SOBP: variants seen among roughly 807,000 people sequenced by gnomAD.
The protein encoded by SOBP is sine oculis-binding protein homolog.
Under a neutral mutation model 53.6 loss-of-function variants are expected in SOBP, and 4 were observed. That is an observed-to-expected ratio of 0.07 (90% CI 0.04 to 0.17). The LOEUF (loss-of-function observed/expected upper bound fraction) is 0.17, where lower values mean the gene tolerates loss of function less well. Among genes scored for constraint, SOBP ranks in the 10% least tolerant of loss-of-function variants. SOBP has a pLI of 1.00. For missense variants in SOBP, 1,088 were observed against 1,204.7 expected, an observed-to-expected ratio of 0.90 and a Z score of 1.43; for synonymous variants, 584 against 522.6, an observed-to-expected ratio of 1.12 and a Z score of -1.60.
At chr6:107,525,866 A>C (rs1189130289) in intron 3 of SOBP, among the ~76,000 whole-genome samples, 1 of 151,916 alleles carries the variant, frequency 6.6e-6, no homozygotes, top group Non-Finnish European at 1.5e-5. Flanking sequence ...GTGGAACTGG[A>C]TTTCTAGTCT....
chr6:107,534,897 A>G (rs1045924885), intron 4 of SOBP, among the ~76,000 whole-genome samples: 4 of 152,142 alleles, frequency 2.6e-5, no homozygotes, highest in African/African-American at 9.7e-5. Context: ...TTGTTTTAAT[A>G]TAGGGGGATT....
chr6:107,588,819 C>T (rs1278266747), intron 5 of SOBP, among the ~76,000 whole-genome samples: 1 of 152,138 alleles, frequency 6.6e-6, no homozygotes, highest in East Asian at 1.9e-4. Context: ...GTTGTGTTGG[C>T]AGTAGTTTTG....
At chr6:107,656,129 A>G (rs1000396827) in intron 6 of SOBP, among the ~76,000 whole-genome samples, 1 of 152,102 alleles carries the variant, frequency 6.6e-6, no homozygotes, top group Non-Finnish European at 1.5e-5. Context: ...GCTAAATGCA[A>G]AAGAATTGTT....
At chr6:107,494,344 G>T (rs987347552) in intron 1 of SOBP, among the ~76,000 whole-genome samples, 3 of 152,202 alleles carry the variant, frequency 2.0e-5, no homozygotes, top group African/African-American at 7.2e-5. Context: ...TTAGTTTTAA[G>T]AGTTCATCCA....
At chr6:107,564,550 T>C (rs891637003) in intron 4 of SOBP, among the ~76,000 whole-genome samples, 1 of 152,242 alleles carries the variant, frequency 6.6e-6, no homozygotes, top group African/African-American at 2.4e-5. Context: ...TGGGGAGGCT[T>C]ACTTCCCTCC....
intron 5 of SOBP, among the ~76,000 whole-genome samples, chr6:107,624,131 A>G (rs896778683): frequency 6.6e-5 from 10 of 152,250 alleles, no homozygotes; most frequent in African/African-American, 2.4e-4. Flanking sequence ...AAATATAAAA[A>G]GCGAAGGCCT....
intron 4 of SOBP, among the ~76,000 whole-genome samples, chr6:107,583,733 G>A (rs1004627304): frequency 2.0e-5 from 3 of 152,046 alleles, no homozygotes; most frequent in Non-Finnish European, 4.4e-5. Flanking sequence ...GGGTCTCCCT[G>A]TGTTGCCCAG....
chr6:107,500,979 A>G lies in SOBP; in HGVS notation c.97-2678A>G, dbSNP rs191279341. On this transcript the variant is annotated intron_variant, in intron 1 of 6. Coordinates refer to ENST00000317357, the MANE Select transcript of SOBP (RefSeq NM_018013.4). ...TCTTGCCCCTTTCATGAAAGCTTTG[A>G]GATTTATGGCTTGAAGTTTTATAAA... Among the ~76,000 whole-genome samples the G allele has an allele frequency of 4.0e-3, 615 of 152,258 alleles. 4 individuals are homozygous for G. The highest frequency in any genetic ancestry group is 4.4e-3 in the Non-Finnish European group (301 of 68,018).
At chr6:107,527,489 G>T (rs141805402) in intron 3 of SOBP, among the ~76,000 whole-genome samples, 55 of 152,260 alleles carry the variant, frequency 3.6e-4, no homozygotes, top group African/African-American at 1.1e-3. Flanking sequence ...TGGTCACTGG[G>T]CCTCTCCAGA....
intron 1 of SOBP, among the ~76,000 whole-genome samples, chr6:107,498,767 A>G (rs1583141622): frequency 1.3e-5 from 2 of 152,186 alleles, no homozygotes; most frequent in South Asian, 4.2e-4. Context: ...TCTTTCTGTG[A>G]CCTTTTTTTG....
Position 107,590,158 on chromosome 6 carries a change from G to A in SOBP, c.669+2983G>A, listed in dbSNP as rs116307784. 3.2e-3 allele frequency among the ~76,000 whole-genome samples: 481 copies of A among 152,300 alleles called. 2 individuals are homozygous for A. The highest frequency in any genetic ancestry group is 0.011 in the African/African-American group (463 of 41,568). ...AGCTAGAGTGAGGAGGACCATAAGTGTGTTATGAGCTCACTGTTTCTCCTC... is the reference window on the plus strand; with the variant it reads ...AGCTAGAGTGAGGAGGACCATAAGTATGTTATGAGCTCACTGTTTCTCCTC... On this transcript the variant is annotated intron_variant, in intron 5 of 6. Transcript: ENST00000317357.
intron 6 of SOBP, among the ~76,000 whole-genome samples, chr6:107,653,704 G>C (rs1295751957): frequency 6.6e-6 from 1 of 152,230 alleles, no homozygotes; most frequent in Non-Finnish European, 1.5e-5. Flanking sequence ...AAATGGGTTA[G>C]ATTAATAGAG....
At chr6:107,610,804 A>G (rs1048889863) in intron 5 of SOBP, among the ~76,000 whole-genome samples, 17 of 136,274 alleles carry the variant, frequency 1.2e-4, no homozygotes, top group Admixed American at 4.8e-4. Flanking sequence ...ACGCACACAC[A>G]CACACACACA....
In SOBP at chr6:107,635,034, C is replaced by G. The variant is rs1026644252; in HGVS notation, c.2190C>G (p.Ala730=). ...CNVIVNGTRG[A]AAEGAKSAEP... The stretch of plus-strand genomic sequence containing the variant: ...TCATCGTGAACGGCACGCGCGGCGC[C>G]GCCGCCGAGGGCGCTAAGAGCGCGG... The change falls in exon 6 of 7, where the codon GCC becomes GCG. Residue 730 remains alanine (A), a synonymous_variant. Transcript: ENST00000317357. The surrounding 1 kb of genome is among the most constrained non-coding windows in gnomAD (Gnocchi z 4.5). 2.4e-6 allele frequency: 3 copies of G among 1,250,510 alleles called. No homozygotes were observed. The highest frequency in any genetic ancestry group is 3.7e-5 in the South Asian group (1 of 27,124). The allele number at this position is 1,250,510 out of a possible 1,614,324, so 77.5% of individuals were successfully genotyped here.
At chr6:107,623,621 G>T (rs1770321001) in intron 5 of SOBP, among the ~76,000 whole-genome samples, 1 of 152,076 alleles carries the variant, frequency 6.6e-6, no homozygotes, top group African/African-American at 2.4e-5. Context: ...ATCTACTTCT[G>T]GTTAATCTTT....
At chr6:107,614,373 A>AT (rs1020665299) in intron 5 of SOBP, among the ~76,000 whole-genome samples, 6 of 152,154 alleles carry the variant, frequency 3.9e-5, no homozygotes, top group African/African-American at 9.7e-5. Context: ...TCTCTTAAAA[A>AT]ATATATATAT....
intron 6 of SOBP, among the ~76,000 whole-genome samples, chr6:107,652,615 A>G (rs12207942): frequency 0.67 from 101,916 of 152,138 alleles, 37,280 homozygotes; most frequent in Non-Finnish European, 0.84. Context: ...CAGTTTTGAA[A>G]GTGTTCTATT....
intron 5 of SOBP, among the ~76,000 whole-genome samples, chr6:107,610,757 T>C (rs970688963): frequency 3.3e-5 from 5 of 151,908 alleles, no homozygotes; most frequent in African/African-American, 1.2e-4. Context: ...CATCTTTCTC[T>C]TTCTTTGCGC....
At chr6:107,534,029 A>T (rs1198210082) in intron 4 of SOBP, among the ~76,000 whole-genome samples, 1 of 152,244 alleles carries the variant, frequency 6.6e-6, no homozygotes, top group African/African-American at 2.4e-5. Context: ...CCCAGTGGAA[A>T]TACTGCTATT....
Sources: allele counts gnomAD v4.1 joint callset (sites outside exome capture counted in the v4.1 genomes callset), GRCh38; gene constraint gnomAD v4.1.1; non-coding constraint Gnocchi (gnomAD v3.1); transcripts MANE v1.5; gene names NCBI Gene and HGNC (gene_info 2026-07-23, HGNC 2026-07-21).